The following NCAM1 variants were observed in gnomAD, a reference collection of about 807,000 sequenced individuals.
NCAM1 encodes the protein antigen recognized by monoclonal antibody 5.1H11.
NCAM1 carries 14 observed loss-of-function variants against 109.8 expected under a neutral mutation model. The ratio of observed to expected loss-of-function variants is 0.13; its 90% CI spans 0.08 to 0.20. NCAM1 has a LOEUF of 0.20. Among genes scored for constraint, NCAM1 ranks in the 10% least tolerant of loss-of-function variants. The pLI, the probability that NCAM1 is intolerant of heterozygous loss-of-function variation, is 1.00. For missense variants in NCAM1, 774 were observed against 1,109.9 expected (o/e 0.70, Z 4.30); for synonymous variants, 418 against 442.9 (o/e 0.94, Z 0.70).
intron 1 of NCAM1, among the ~76,000 whole-genome samples, chr11:113,005,458 T>C (rs1427451262): frequency 3.3e-5 from 5 of 152,174 alleles, no homozygotes; most frequent in African/African-American, 1.2e-4. Context: ...GCCTGGGAAA[T>C]GGAAGCTTTG....
intron 7 of NCAM1, among the ~76,000 whole-genome samples, chr11:113,209,874 T>C (rs1944339439): frequency 6.6e-6 from 1 of 152,218 alleles, no homozygotes; most frequent in Non-Finnish European, 1.5e-5. Flanking sequence ...AGAGAAGTCA[T>C]TAAAATGTAC....
At chr11:112,996,922 G>A (rs1951611169) in intron 1 of NCAM1, among the ~76,000 whole-genome samples, 1 of 152,174 alleles carries the variant, frequency 6.6e-6, no homozygotes, top group South Asian at 2.1e-4. Context: ...ACTGGTAAGG[G>A]TAACAGAAGT....
At chr11:113,118,139 A>AT (rs1227006102) in intron 1 of NCAM1, among the ~76,000 whole-genome samples, 5 of 151,726 alleles carry the variant, frequency 3.3e-5, no homozygotes, top group East Asian at 1.9e-4. Flanking sequence ...CACTTGAATC[A>AT]TTTTTTTTCT....
chr11:113,198,885 A>G (rs1555111334), intron 1 of NCAM1, among the ~76,000 whole-genome samples: 1 of 152,204 alleles, frequency 6.6e-6, no homozygotes, highest in African/African-American at 2.4e-5. Context: ...TTCCACGTTC[A>G]TACAGTGGAG....
chr11:113,028,756 T>A (rs1952633067), intron 1 of NCAM1, among the ~76,000 whole-genome samples: 1 of 152,202 alleles, frequency 6.6e-6, no homozygotes, highest in African/African-American at 2.4e-5. Context: ...TCATTTGGTT[T>A]TTACTTTATA....
chr11:113,198,292 A>G (rs560247571), intron 1 of NCAM1, among the ~76,000 whole-genome samples: 7 of 152,282 alleles, frequency 4.6e-5, no homozygotes, highest in Admixed American at 3.9e-4. Flanking sequence ...AATAGAGGCT[A>G]TAATGCTGTG....
At chr11:113,052,164 A>G (rs988234167) in intron 1 of NCAM1, among the ~76,000 whole-genome samples, 1 of 149,178 alleles carries the variant, frequency 6.7e-6, no homozygotes, top group African/African-American at 2.6e-5. Flanking sequence ...ATCGAATCCA[A>G]TCCTTAGCTG....
intron 9 of NCAM1, among the ~76,000 whole-genome samples, chr11:113,229,884 G>T (rs1386138656): frequency 2.0e-5 from 3 of 152,040 alleles, no homozygotes; most frequent in African/African-American, 7.2e-5. Context: ...ATTGAACAAT[G>T]AGAACACTTG....
chr11:113,178,445 TTGATGAAACGTGGTGGCACA>T (rs1555107434), intron 1 of NCAM1, among the ~76,000 whole-genome samples: 1 of 152,196 alleles, frequency 6.6e-6, no homozygotes, highest in Non-Finnish European at 1.5e-5. Flanking sequence ...CATTAGCAGA[TTGATGAAACGTGGTGGCACA>T]TGCCAACCGT....
At chr11:113,114,512 TTTC>T (rs782326608) in intron 1 of NCAM1, among the ~76,000 whole-genome samples, 9 of 152,332 alleles carry the variant, frequency 5.9e-5, no homozygotes, top group Middle Eastern at 6.8e-3. Flanking sequence ...GACCCCACGA[TTTC>T]TTCTTCTTCA....
chr11:113,092,419 T>C (rs1555089527), intron 1 of NCAM1, among the ~76,000 whole-genome samples: 1 of 152,138 alleles, frequency 6.6e-6, no homozygotes, highest in Non-Finnish European at 1.5e-5. Flanking sequence ...AATTGAATCA[T>C]TGCAACAACT....
chr11:113,219,861 C>T (rs539365491), intron 8 of NCAM1, among the ~76,000 whole-genome samples: 1 of 152,286 alleles, frequency 6.6e-6, no homozygotes, highest in Admixed American at 6.5e-5. Context: ...ACGTGTTGGC[C>T]CACCGTTACT....
rs559311467 is a variant in NCAM1, at chr11:113,273,529, C to T, written c.2456+1653C>T. 5.6e-5 allele frequency: 20 copies of T among 355,614 alleles called. No individual in the cohort carries two copies. Among genetic ancestry groups the T allele is most frequent in the Admixed American group, 1.9e-4 (6 of 31,262 alleles). The allele number at this position is 355,614 out of a possible 1,614,324, so 22.0% of individuals were successfully genotyped here. On this transcript the variant is annotated intron_variant, in intron 19 of 19. Transcript: ENST00000316851. The surrounding 1 kb of genome is among the most constrained non-coding windows in gnomAD (Gnocchi z 6.0). ...GAGGCAGCCACAGCCCTTGCTAGCC[C>T]GAAGAGCGAGGCTGCCTCCGTCAGC...
chr11:113,217,005 TA>T (rs1160986504), intron 8 of NCAM1, among the ~76,000 whole-genome samples: 1 of 152,336 alleles, frequency 6.6e-6, no homozygotes, highest in Non-Finnish European at 1.5e-5. Flanking sequence ...ACTGTAATTG[TA>T]GGAGTGGAAA....
intron 1 of NCAM1, among the ~76,000 whole-genome samples, chr11:112,998,779 T>C (rs1305140306): frequency 6.6e-6 from 1 of 152,248 alleles, no homozygotes; most frequent in East Asian, 1.9e-4. Flanking sequence ...GATTTAATCG[T>C]GTGTGCCCAG....
At chr11:113,232,145 T>TGTCAG in intron 10 of NCAM1, 25 bp from the exon 11 acceptor site, 1 of 1,559,326 alleles carries the variant, frequency 6.4e-7, no homozygotes, top group Non-Finnish European at 8.7e-7. Flanking sequence ...GCAGTCATCC[T>TGTCAG]GACAGTCATT....
rs189516684 is a variant in NCAM1 at position 113,221,207 on chromosome 11, C to T, written c.1060-89C>T. 6.1e-5 allele frequency: 79 copies of T among 1,305,314 alleles called. No individual in the cohort carries two copies. The East Asian group carries it at 1.6e-3, about 26-fold the overall frequency. The allele number at this position is 1,305,314 out of a possible 1,614,324, so 80.9% of individuals were successfully genotyped here. On this transcript the variant is annotated intron_variant, in intron 8 of 19. Transcript: ENST00000316851. ...CTGAATTAAAGAAAAGCTGCATGTG[C>T]ACGGAATGCAGTGTGATACATTCTC...
In NCAM1 at chr11:113,116,963, C is replaced by G. The variant is rs78443896; in HGVS notation, c.53-85416C>G. On this transcript the variant is annotated intron_variant, in intron 1 of 19. Coordinates refer to ENST00000316851, the MANE Select transcript of NCAM1 (RefSeq NM_181351.5). ...TTAAATGTTCTGTAGTTGGTGAGCT[C>G]AAGTGGGCACTCCCAGTCAAATGAA... Among the ~76,000 whole-genome samples the G allele has an allele frequency of 7.8e-4, 118 of 151,944 alleles. 4 individuals carry two copies. The highest frequency in any genetic ancestry group is 2.8e-3 in the African/African-American group (115 of 41,264).
At chr11:113,036,823 G>A (rs1242953917) in intron 1 of NCAM1, among the ~76,000 whole-genome samples, 1 of 152,092 alleles carries the variant, frequency 6.6e-6, no homozygotes, top group Non-Finnish European at 1.5e-5. Flanking sequence ...CATTTTGCTT[G>A]TCTCTGTAGG....
Sources: gnomAD v4.1 joint callset for allele counts (sites outside exome capture counted in the v4.1 genomes callset) on GRCh38, gnomAD v4.1.1 for gene constraint, Gnocchi (gnomAD v3.1) non-coding constraint, MANE v1.5 for transcripts, NCBI Gene and HGNC (gene_info 2026-07-23, HGNC 2026-07-21) for gene names.